The following C2orf69 variants were observed in gnomAD, a reference collection of about 807,000 sequenced individuals.
The protein encoded by C2orf69 is chromosome 2 open reading frame 69, also known as mitochondrial protein C2orf69.
C2orf69 carries 19 observed loss-of-function variants against 29.5 expected under a neutral mutation model. That is an observed-to-expected ratio of 0.65 (90% CI 0.45 to 0.95). The LOEUF is 0.95. Among genes scored for constraint, C2orf69 ranks in the 40% least tolerant of loss-of-function variants. The probability of loss-of-function intolerance (pLI) is 0.00; values close to 1 mark genes in which losing one functional copy is unlikely to be tolerated. For synonymous variants in C2orf69, 194 were observed against 180.0 expected, an observed-to-expected ratio of 1.08 and a Z score of -0.62; for missense variants, 416 against 482.1, an observed-to-expected ratio of 0.86 and a Z score of 1.28.
chr2:199,920,887 C>T (rs1345270779), intron 1 of C2orf69, among the ~76,000 whole-genome samples: 3 of 123,434 alleles, frequency 2.4e-5, no homozygotes, highest in Non-Finnish European at 3.2e-5. Context: ...ACCCGGGAGG[C>T]AGAGGTTGCA....
rs114630633 is a variant in C2orf69, at chr2:199,922,215, C to T, written c.334-2847C>T. Among the ~76,000 whole-genome samples the T allele has an allele frequency of 6.8e-3, 1,034 of 151,758 alleles. 12 individuals are homozygous for T. The highest frequency in any genetic ancestry group is 0.024 in the African/African-American group (977 of 41,368). On this transcript the variant is annotated intron_variant, in intron 1 of 1. Transcript: ENST00000319974. ...GGCTCAAGCCATCTTCCCACTTCAGCCTCCCGAGTAGCTGGGACTACAGGG... is the reference window on the plus strand; with the variant it reads ...GGCTCAAGCCATCTTCCCACTTCAGTCTCCCGAGTAGCTGGGACTACAGGG...
intron 1 of C2orf69, among the ~76,000 whole-genome samples, chr2:199,915,526 A>G (rs1251283043): frequency 6.7e-5 from 10 of 149,914 alleles, no homozygotes; most frequent in Admixed American, 6.6e-4. Context: ...TTTTTCCTTG[A>G]GATGGAGTCT....
intron 1 of C2orf69, among the ~76,000 whole-genome samples, chr2:199,914,768 G>C (rs914516407): frequency 6.6e-6 from 1 of 152,060 alleles, no homozygotes; most frequent in Non-Finnish European, 1.5e-5. Flanking sequence ...TATACTGCCT[G>C]GAACAGCCTT....
intron 1 of C2orf69, among the ~76,000 whole-genome samples, chr2:199,922,905 G>A (rs945832970): frequency 3.3e-5 from 5 of 152,158 alleles, no homozygotes; most frequent in Admixed American, 6.5e-5. Context: ...AGCAAAAGCC[G>A]AAGTCTTTGT....
intron 1 of C2orf69, among the ~76,000 whole-genome samples, chr2:199,914,279 T>C (rs1451380172): frequency 2.0e-5 from 3 of 152,120 alleles, no homozygotes; most frequent in Admixed American, 2.0e-4. Flanking sequence ...GCCAACCAAT[T>C]ATATGCACGA....
chr2:199,923,048 C>T (rs761453407), intron 1 of C2orf69, among the ~76,000 whole-genome samples: 2 of 152,158 alleles, frequency 1.3e-5, no homozygotes, highest in Non-Finnish European at 2.9e-5. Context: ...GGGTTATGTC[C>T]GGCAAGCTCC....
At chr2:199,913,449 ATATT>A (rs1205879830) in intron 1 of C2orf69, among the ~76,000 whole-genome samples, 30 of 100,848 alleles carry the variant, frequency 3.0e-4, no homozygotes, top group African/African-American at 1.1e-3. Context: ...TATAAAATAT[ATATT>A]CTATTATATA....
rs974597838 is a variant in C2orf69, at chr2:199,911,543, G to T, written c.105G>T (p.Pro35=). The T allele has an allele frequency of 5.8e-6, 9 of 1,549,608 alleles. No homozygotes were observed. The African/African-American group carries it at 8.2e-5, about 14-fold the overall frequency. ...GCTCTCAGGCCAGAACCATGAACCC[G>T]GGCGGCAGCGGCGGCGCGCGATGCT... is the stretch of plus-strand genomic sequence containing the variant. ...SSCSQARTMN[P]GGSGGARCSL... Residue 35 remains proline, a synonymous_variant, in exon 1 of 2, where the codon CCG becomes CCT. Coordinates refer to ENST00000319974, the MANE Select transcript of C2orf69 (RefSeq NM_153689.6).
intron 1 of C2orf69, among the ~76,000 whole-genome samples, chr2:199,913,185 ATATATAT>A (rs1343914742): frequency 1.9e-5 from 2 of 106,480 alleles, no homozygotes; most frequent in Non-Finnish European, 3.5e-5. Flanking sequence ...ATATAAAATT[ATATATAT>A]TATATATAAT....
intron 1 of C2orf69, among the ~76,000 whole-genome samples, chr2:199,921,798 A>G (rs1304661496): frequency 1.3e-5 from 2 of 151,862 alleles, no homozygotes; most frequent in African/African-American, 4.8e-5. Flanking sequence ...CGACTGCTAG[A>G]CATCAGAATT....
In C2orf69 at chr2:199,926,004, G is replaced by A; in HGVS notation, c.*118G>A. The A allele has an allele frequency of 1.5e-6, 1 of 657,860 alleles. No individual in the cohort carries two copies. The allele number at this position is 657,860 out of a possible 1,614,324, so 40.8% of individuals were successfully genotyped here. A position where few individuals can be genotyped will look rare whatever the true frequency, so the allele number is the denominator to read the frequency against. ...CATTGTCAGTTTTGGGGTATGGGGG[G>A]AAGCACACATTCCTAAAATGTGAGT... On this transcript the variant is annotated 3_prime_UTR_variant, in exon 2 of 2. Transcript: ENST00000319974.
rs1219290175 is a variant in C2orf69 at position 199,913,234 on chromosome 2, A to T, written c.333+1463A>T. 3.7e-4 allele frequency among the ~76,000 whole-genome samples: 13 copies of T among 35,328 alleles called. No individual in the cohort carries two copies. The South Asian group carries it at 0.013, about 36-fold the overall frequency. 23.2% of individuals were successfully genotyped at this position (35,328 alleles called of 152,430 possible). On this transcript the variant is annotated intron_variant, in intron 1 of 1. Coordinates refer to ENST00000319974, the MANE Select transcript of C2orf69 (RefSeq NM_153689.6). ...TATATTATATATAATATATATTATA[A>T]TATATATAATATATATTATATAAAA... is the stretch of plus-strand genomic sequence containing the variant.
At chr2:199,921,344 A>C (rs1477277651) in intron 1 of C2orf69, among the ~76,000 whole-genome samples, 2 of 152,076 alleles carry the variant, frequency 1.3e-5, no homozygotes, top group Non-Finnish European at 2.9e-5. Context: ...CAAACTACTA[A>C]TATTAGTGAA....
chr2:199,920,518 G>A (rs992767397), intron 1 of C2orf69, among the ~76,000 whole-genome samples: 1 of 152,022 alleles, frequency 6.6e-6, no homozygotes, highest in African/African-American at 2.4e-5. Flanking sequence ...ATAAATAACT[G>A]TAGTTTCCAG....
intron 1 of C2orf69, among the ~76,000 whole-genome samples, chr2:199,922,388 C>G (rs968733532): frequency 2.6e-5 from 4 of 152,108 alleles, no homozygotes; most frequent in African/African-American, 9.7e-5. Flanking sequence ...ACCGCCGCCC[C>G]CAGCCTCAGG....
At position 199,911,709 on chromosome 2, in the gene C2orf69, G is replaced by C; in HGVS notation, c.271G>C (p.Ala91Pro). ...LERQDLPGDP[A>P]KEEPQPPPQH... is the part of the protein sequence containing the mutation. The stretch of plus-strand genomic sequence containing the variant: ...GCGGCAGGACCTCCCCGGGGACCCA[G>C]CGAAGGAGGAGCCGCAGCCGCCGCC... Residue 91 changes from alanine (A) to proline (P), a missense_variant, in exon 1 of 2, where the codon GCG (alanine) becomes CCG (proline). This residue lies in a region of C2orf69 where 175 missense variants were observed against 139.9 expected (regional missense o/e 1.25). Coordinates refer to ENST00000319974, the MANE Select transcript of C2orf69 (RefSeq NM_153689.6). 1 of 1,545,304 alleles carries C rather than the reference G, an allele frequency of 6.5e-7. No homozygotes were observed. Among genetic ancestry groups the C allele is most frequent in the Non-Finnish European group, 8.7e-7 (1 of 1,146,916 alleles).
chr2:199,923,428 T>C (rs551697988), intron 1 of C2orf69, among the ~76,000 whole-genome samples: 1 of 152,340 alleles, frequency 6.6e-6, no homozygotes, highest in South Asian at 2.1e-4. Context: ...TTAATTTCGG[T>C]TAATTTAAAT....
Position 199,925,347 on chromosome 2 carries a change from T to C in C2orf69, c.619T>C (p.Leu207=), listed in dbSNP as rs756814504. 21 of 1,613,416 alleles carry C rather than the reference T, an allele frequency of 1.3e-5. No homozygotes were observed. Among genetic ancestry groups the C allele is most frequent in the Admixed American group, 1.7e-5 (1 of 59,976 alleles). The change falls in exon 2 of 2, where the codon TTG becomes CTG. Residue 207 remains leucine, a synonymous_variant. Transcript: ENST00000319974. This position sits in a 1 kb window ranked among gnomAD's most constrained non-coding sequence, Gnocchi z 4.9. ...LSQNSLSKKS[L]NVWNKDSIAS... is the part of the protein sequence containing the mutation. ...TCAGAATAGTTTATCAAAGAAAAGTTTGAATGTTTGGAATAAGGACTCCAT... is the reference window on the plus strand; with the variant it reads ...TCAGAATAGTTTATCAAAGAAAAGTCTGAATGTTTGGAATAAGGACTCCAT...
At chr2:199,913,372 GAT>G (rs2077280007) in intron 1 of C2orf69, among the ~76,000 whole-genome samples, 1 of 56,922 alleles carries the variant, frequency 1.8e-5, no homozygotes, top group East Asian at 4.2e-4. Flanking sequence ...ATTCTATTAT[GAT>G]ATATATTATA....
Sources: allele counts gnomAD v4.1 joint callset (sites outside exome capture counted in the v4.1 genomes callset), GRCh38; gene constraint gnomAD v4.1.1; regional missense constraint gnomAD v4.1.1; non-coding constraint Gnocchi (gnomAD v3.1); transcripts MANE v1.5; gene names NCBI Gene and HGNC (gene_info 2026-07-23, HGNC 2026-07-21).